The following EPHA6 variants were observed in gnomAD, a reference collection of about 807,000 sequenced individuals.
The protein encoded by EPHA6 is EPH receptor A6.
In EPHA6, 50 loss-of-function variants were observed where a neutral mutation model predicts 112.0. The ratio of observed to expected loss-of-function variants is 0.45; its 90% confidence interval spans 0.36 to 0.56. The LOEUF (loss-of-function observed/expected upper bound fraction) is 0.56, where lower values mean the gene tolerates loss of function less well. Among genes scored for constraint, EPHA6 ranks in the 20% least tolerant of loss-of-function variants. The pLI is 0.00. For synonymous variants in EPHA6, 529 were observed against 490.7 expected, an observed-to-expected ratio of 1.08 and a Z score of -1.03; for missense variants, 1,280 against 1,417.4, an observed-to-expected ratio of 0.90 and a Z score of 1.56.
At chr3:96,842,705 T>G (rs2034822103) in intron 1 of EPHA6, among the ~76,000 whole-genome samples, 1 of 152,092 alleles carries the variant, frequency 6.6e-6, no homozygotes, top group African/African-American at 2.4e-5. Flanking sequence ...CCTTAAGAAC[T>G]CTTTAATTTT....
intron 7 of EPHA6, among the ~76,000 whole-genome samples, chr3:97,451,146 A>C (rs575273657): frequency 3.5e-4 from 53 of 152,140 alleles, no homozygotes; most frequent in African/African-American, 1.2e-3. Context: ...AACCAAGAGC[A>C]CTTTTTAGCC....
At chr3:97,330,931 A>T (rs2082766493) in intron 5 of EPHA6, among the ~76,000 whole-genome samples, 1 of 152,152 alleles carries the variant, frequency 6.6e-6, no homozygotes, top group Admixed American at 6.6e-5. Flanking sequence ...ACCCCAAATC[A>T]ACAGAATATA....
chr3:97,391,206 C>T (rs1189409801), intron 5 of EPHA6, among the ~76,000 whole-genome samples: 2 of 151,772 alleles, frequency 1.3e-5, no homozygotes, highest in Non-Finnish European at 2.9e-5. Flanking sequence ...TTGGACTGTG[C>T]TTATATGGTG....
intron 3 of EPHA6, among the ~76,000 whole-genome samples, chr3:97,104,828 T>C (rs2047516518): frequency 6.6e-6 from 1 of 152,128 alleles, no homozygotes; most frequent in Non-Finnish European, 1.5e-5. Flanking sequence ...AGATCTGTTA[T>C]TGATCTGTTC....
chr3:96,853,449 T>A (rs2035513831), intron 1 of EPHA6, among the ~76,000 whole-genome samples: 1 of 152,030 alleles, frequency 6.6e-6, no homozygotes, highest in African/African-American at 2.4e-5. Flanking sequence ...TTTCCCCTCA[T>A]TCTCCAAACT....
chr3:96,919,081 C>T (rs912714851), intron 2 of EPHA6, among the ~76,000 whole-genome samples: 5 of 151,780 alleles, frequency 3.3e-5, no homozygotes, highest in African/African-American at 1.2e-4. Context: ...AATGTTACTC[C>T]TTATTGACTC....
intron 10 of EPHA6, among the ~76,000 whole-genome samples, chr3:97,495,358 C>A: frequency 6.7e-6 from 1 of 150,106 alleles, no homozygotes; most frequent in East Asian, 2.0e-4. Context: ...TATGTAATAC[C>A]TATATAAATT....
At chr3:97,355,084 C>T (rs936401659) in intron 5 of EPHA6, among the ~76,000 whole-genome samples, 1 of 152,086 alleles carries the variant, frequency 6.6e-6, no homozygotes, top group Non-Finnish European at 1.5e-5. Flanking sequence ...GGAGTTTCAT[C>T]AGCACCAGAA....
intron 14 of EPHA6, among the ~76,000 whole-genome samples, chr3:97,701,904 T>A (rs546204904): frequency 6.6e-6 from 1 of 152,238 alleles, no homozygotes; most frequent in South Asian, 2.1e-4. Context: ...ATAAATTGAG[T>A]GCCAAGTTGA....
intron 3 of EPHA6, among the ~76,000 whole-genome samples, chr3:97,014,369 CCTT>C (rs2044195731): frequency 6.6e-6 from 1 of 151,286 alleles, no homozygotes; most frequent in African/African-American, 2.4e-5. Flanking sequence ...TCCCTCCCTT[CCTT>C]CATTTCTCCC....
intron 5 of EPHA6, among the ~76,000 whole-genome samples, chr3:97,329,312 A>T (rs906186973): frequency 4.6e-5 from 7 of 151,490 alleles, no homozygotes; most frequent in Non-Finnish European, 1.0e-4. Flanking sequence ...CATGATTTAT[A>T]ATCCTTTGGG....
intron 14 of EPHA6, among the ~76,000 whole-genome samples, chr3:97,712,781 G>A (rs2034034300): frequency 6.6e-6 from 1 of 152,168 alleles, no homozygotes; most frequent in Non-Finnish European, 1.5e-5. Flanking sequence ...ACGATAAGCA[G>A]TGTTTTATTA....
At chr3:96,985,597 C>G (rs1002800871) in intron 2 of EPHA6, among the ~76,000 whole-genome samples, 1 of 151,634 alleles carries the variant, frequency 6.6e-6, no homozygotes, top group Non-Finnish European at 1.5e-5. Context: ...TTTGAATCAC[C>G]CCTGGTAAAA....
rs533214733 is a variant in EPHA6 at position 97,625,764 on chromosome 3, A to G, written c.2575-12109A>G. 2.6e-5 allele frequency among the ~76,000 whole-genome samples: 4 copies of G among 151,846 alleles called. No individual in the cohort carries two copies. The South Asian group carries it at 6.2e-4, about 24-fold the overall frequency. ...ATTTTTAAAATAGATGACAATTTGGACTATGTATACACTGAAAAAGAAGAA... is the reference window on the plus strand; with the variant it reads ...ATTTTTAAAATAGATGACAATTTGGGCTATGTATACACTGAAAAAGAAGAA... On this transcript the variant is annotated intron_variant, in intron 13 of 17. Transcript: ENST00000389672.
chr3:97,306,550 T>G (rs2081328484), intron 5 of EPHA6, among the ~76,000 whole-genome samples: 1 of 151,714 alleles, frequency 6.6e-6, no homozygotes, highest in South Asian at 2.1e-4. Flanking sequence ...TCCCATAACC[T>G]TGCAGGGTCC....
chr3:97,328,091 A>G (rs1028454592), intron 5 of EPHA6, among the ~76,000 whole-genome samples: 4 of 139,690 alleles, frequency 2.9e-5, no homozygotes, highest in Admixed American at 1.5e-4. Flanking sequence ...CCTGTTTTGT[A>G]TAATCATTCA....
intron 5 of EPHA6, among the ~76,000 whole-genome samples, chr3:97,275,242 A>G (rs1164760519): frequency 6.6e-6 from 1 of 152,172 alleles, no homozygotes; most frequent in Non-Finnish European, 1.5e-5. Flanking sequence ...AGACACGATC[A>G]GCAGGGAGAG....
rs1395208613 is a variant in EPHA6 at position 97,318,764 on chromosome 3, A to G, written c.1606+74477A>G. On this transcript the variant is annotated intron_variant, in intron 5 of 17. Coordinates refer to ENST00000389672, the MANE Select transcript of EPHA6 (RefSeq NM_001080448.3). The stretch of plus-strand genomic sequence containing the variant: ...CTGTCCATGGTATTATATAAATATT[A>G]TAACTAACAGATGGCTTTAAAGTTA... 2.0e-5 allele frequency among the ~76,000 whole-genome samples: 3 copies of G among 151,984 alleles called. No individual in the cohort carries two copies. In the East Asian group the frequency reaches 5.8e-4, roughly 29 times the overall value.
chr3:97,425,097 A>G (rs923519744), intron 6 of EPHA6, among the ~76,000 whole-genome samples: 2 of 152,124 alleles, frequency 1.3e-5, no homozygotes, highest in South Asian at 2.1e-4. Context: ...CCTGGCTGCT[A>G]TCACAGGCTG....
Sources: gnomAD v4.1 joint callset for allele counts (sites outside exome capture counted in the v4.1 genomes callset) on GRCh38, gnomAD v4.1.1 for gene constraint, MANE v1.5 for transcripts, NCBI Gene and HGNC (gene_info 2026-07-23, HGNC 2026-07-21) for gene names.